Variants in NCEH1 observed in about 807,000 individuals in gnomAD.
The protein encoded by NCEH1 is 2-acetyl MAGE hydrolase.
A neutral mutation model predicts 25.4 loss-of-function variants in NCEH1; 9 were observed. That is an observed-to-expected ratio of 0.35 (90% confidence interval 0.21 to 0.62). The LOEUF is 0.62. Ranked by LOEUF, NCEH1 falls within the 20% of genes least tolerant of loss-of-function variation. The pLI, the probability that NCEH1 is intolerant of heterozygous loss-of-function variation, is 0.72. For synonymous variants in NCEH1, 200 were observed against 199.8 expected, an observed-to-expected ratio of 1.00 and a Z score of -0.01; for missense variants, 412 against 501.1, an observed-to-expected ratio of 0.82 and a Z score of 1.70.
Position 172,633,465 on chromosome 3 carries a change from T to G in NCEH1, c.*10A>C, listed in dbSNP as rs1286044091. The G allele has an allele frequency of 5.0e-6, 8 of 1,606,600 alleles. No individual in the cohort carries two copies. The highest frequency in any genetic ancestry group is 6.8e-6 in the Non-Finnish European group (8 of 1,175,428). The stretch of plus-strand genomic sequence containing the variant: ...AAGAGGGGCTCGAGGCTTCTGGAAG[T>G]TTTGCTCCTTTACAGGTTTTGATCT... On this transcript the variant is annotated 3_prime_UTR_variant, in exon 5 of 5. Coordinates refer to ENST00000475381, the MANE Select transcript of NCEH1 (RefSeq NM_020792.6).
intron 4 of NCEH1, 105 bp downstream of exon 4, chr3:172,635,811 G>T: frequency 1.9e-6 from 2 of 1,061,070 alleles, no homozygotes; most frequent in South Asian, 1.6e-5. Context: ...CTAGTGACCG[G>T]CCCACCCAGC....
At chr3:172,704,394 C>T (rs1696809168) in intron 1 of NCEH1, among the ~76,000 whole-genome samples, 1 of 152,200 alleles carries the variant, frequency 6.6e-6, no homozygotes, top group African/African-American at 2.4e-5. Flanking sequence ...ATAATCAAGA[C>T]AAGCCAGGCT....
At chr3:172,670,489 A>AG (rs1387934205) in intron 1 of NCEH1, among the ~76,000 whole-genome samples, 1 of 152,254 alleles carries the variant, frequency 6.6e-6, no homozygotes, top group African/African-American at 2.4e-5. Context: ...CCTGACTATG[A>AG]GGAAAGCTGG....
chr3:172,679,706 G>A, intron 1 of NCEH1, among the ~76,000 whole-genome samples: 1 of 152,046 alleles, frequency 6.6e-6, no homozygotes, highest in Non-Finnish European at 1.5e-5. Flanking sequence ...GTGGCTTAAA[G>A]GGCCAGGCCA....
chr3:172,637,054 C>T (rs234011), intron 3 of NCEH1, among the ~76,000 whole-genome samples: 68,147 of 151,902 alleles, frequency 0.45, 15,730 homozygotes, highest in African/African-American at 0.57. Context: ...TGCCAGGGTA[C>T]GTCACTCACT....
At position 172,711,035 on chromosome 3, in the gene NCEH1, C is replaced by A. The variant is rs774718169; in HGVS notation, c.-51G>T. On this transcript the variant is annotated 5_prime_UTR_variant, in exon 1 of 5. Coordinates refer to ENST00000475381, the MANE Select transcript of NCEH1 (RefSeq NM_020792.6). ...GGCTGGCAAAGAGGAAAGGGCGATACCACCCGGAGACCTCCGGCAACTTTC... is the reference window on the plus strand; with the variant it reads ...GGCTGGCAAAGAGGAAAGGGCGATAACACCCGGAGACCTCCGGCAACTTTC... 5 of 1,612,546 alleles carry A rather than the reference C, an allele frequency of 3.1e-6. No homozygotes were observed. The highest frequency in any genetic ancestry group is 8.5e-7 in the Non-Finnish European group (1 of 1,179,160).
intron 1 of NCEH1, among the ~76,000 whole-genome samples, chr3:172,684,297 T>C (rs535427928): frequency 6.6e-6 from 1 of 152,352 alleles, no homozygotes; most frequent in East Asian, 1.9e-4. Context: ...ACACTGGTGC[T>C]TCCCAAATAT....
chr3:172,645,733 T>C, intron 2 of NCEH1, 41 bp from the exon 3 acceptor site: 2 of 1,224,882 alleles, frequency 1.6e-6, no homozygotes, highest in Non-Finnish European at 2.3e-6. Context: ...AAACAGGTCA[T>C]TTAATACTGT....
intron 1 of NCEH1, among the ~76,000 whole-genome samples, chr3:172,674,249 G>C (rs533464200): frequency 5.9e-5 from 9 of 152,116 alleles, no homozygotes; most frequent in Non-Finnish European, 1.3e-4. Context: ...AGACCAGCCT[G>C]GCCAACATGG....
intron 1 of NCEH1, among the ~76,000 whole-genome samples, chr3:172,704,289 A>G (rs753799888): frequency 6.6e-6 from 1 of 152,256 alleles, no homozygotes; most frequent in Non-Finnish European, 1.5e-5. Context: ...CCCATAAGAA[A>G]CAGGGGGAAC....
chr3:172,684,236 T>G (rs890141677), intron 1 of NCEH1, among the ~76,000 whole-genome samples: 1 of 152,098 alleles, frequency 6.6e-6, no homozygotes, highest in Admixed American at 6.5e-5. Flanking sequence ...AATAAAGGAA[T>G]GTCCGTAATC....
intron 3 of NCEH1, among the ~76,000 whole-genome samples, chr3:172,644,985 C>G (rs1488651794): frequency 1.3e-5 from 2 of 152,020 alleles, no homozygotes; most frequent in African/African-American, 4.8e-5. Context: ...TAAAAAAGAC[C>G]TAAAGAAGAA....
intron 1 of NCEH1, among the ~76,000 whole-genome samples, chr3:172,698,156 T>C (rs1043913318): frequency 6.6e-6 from 1 of 151,964 alleles, no homozygotes; most frequent in Non-Finnish European, 1.5e-5. Context: ...TTTGTATTTT[T>C]AGTAGAGATG....
intron 1 of NCEH1, among the ~76,000 whole-genome samples, chr3:172,649,611 G>T (rs1220476712): frequency 1.3e-5 from 2 of 152,198 alleles, no homozygotes; most frequent in African/African-American, 2.4e-5. Context: ...TGGTAAATTG[G>T]AAGAAGGCAA....
chr3:172,709,781 ATTT>A (rs1035507753), intron 1 of NCEH1, among the ~76,000 whole-genome samples: 1 of 152,014 alleles, frequency 6.6e-6, no homozygotes, highest in African/African-American at 2.4e-5. Flanking sequence ...GGTTGAAATG[ATTT>A]TTTTTCTCTT....
Position 172,650,648 on chromosome 3 carries a change from C to CAA in NCEH1, c.139-2536_139-2535dup, listed in dbSNP as rs34027626. ...TGGGCGACAGAGTGAGACTCCGTCT[C>CAA]AAAAAAAAAAAAAAATAGCCAGGCA... On this transcript the variant is annotated intron_variant, in intron 1 of 4. Transcript: ENST00000475381. Among the ~76,000 whole-genome samples the CAA allele has an allele frequency of 1.4e-3, 162 of 119,490 alleles. 1 individual carries two copies. Among genetic ancestry groups the CAA allele is most frequent in the South Asian group, 7.5e-3 (27 of 3,618 alleles). The allele number at this position is 119,490 out of a possible 152,430, so 78.4% of individuals were successfully genotyped here.
chr3:172,687,399 C>T (rs1409351465), intron 1 of NCEH1, among the ~76,000 whole-genome samples: 2 of 152,192 alleles, frequency 1.3e-5, no homozygotes, highest in Admixed American at 6.5e-5. Flanking sequence ...TTTTTGCTTG[C>T]TGCACAATAT....
chr3:172,656,298 G>A lies in NCEH1; in HGVS notation c.139-8184C>T, dbSNP rs566702616. ...GAGAGACAAAGTTACAGAAGTAAAA[G>A]GAATTGAGTGAATTGAGATCCTAGA... On this transcript the variant is annotated intron_variant, in intron 1 of 4. Coordinates refer to ENST00000475381, the MANE Select transcript of NCEH1 (RefSeq NM_020792.6). Among the ~76,000 whole-genome samples, 6 of 152,274 alleles carry A rather than the reference G, an allele frequency of 3.9e-5. No individual in the cohort carries two copies. The South Asian group carries it at 1.2e-3, about 32-fold the overall frequency.
chr3:172,694,594 A>C (rs1487225877), intron 1 of NCEH1, among the ~76,000 whole-genome samples: 1 of 152,214 alleles, frequency 6.6e-6, no homozygotes, highest in Non-Finnish European at 1.5e-5. Context: ...TCACTCCAAC[A>C]GACAGGTTAC....
Sources: gnomAD v4.1 joint callset for allele counts (sites outside exome capture counted in the v4.1 genomes callset) on GRCh38, gnomAD v4.1.1 for gene constraint, MANE v1.5 for transcripts, NCBI Gene and HGNC (gene_info 2026-07-23, HGNC 2026-07-21) for gene names.